The following KCNH6 variants were observed in gnomAD, a reference collection of about 807,000 sequenced individuals.
KCNH6 encodes the protein potassium voltage-gated channel subfamily H member 6.
KCNH6 carries 81 observed loss-of-function variants against 83.4 expected under a neutral mutation model. The ratio of observed to expected loss-of-function variants is 0.97; its 90% confidence interval spans 0.81 to 1.17. The LOEUF is 1.17. Ranked by LOEUF, KCNH6 falls within the 50% of genes most tolerant of loss-of-function variation. KCNH6 has a pLI of 0.00. For missense variants in KCNH6, 1,203 were observed against 1,290.5 expected (o/e 0.93, Z 1.04); for synonymous variants, 503 against 545.6 (o/e 0.92, Z 1.09).
At chr17:63,530,873 AGCCC>A (rs1249911379) in intron 4 of KCNH6, among the ~76,000 whole-genome samples, 4 of 152,214 alleles carry the variant, frequency 2.6e-5, no homozygotes, top group African/African-American at 7.2e-5. Context: ...ACCAAGGCTC[AGCCC>A]GTCACAGGGA....
At chr17:63,543,526 C>A in intron 9 of KCNH6, 50 bp from the exon 10 acceptor site, 1 of 1,143,642 alleles carries the variant, frequency 8.7e-7, no homozygotes. Context: ...AACAAAGAGG[C>A]CCCATCCCAG....
rs533067890 is a variant in KCNH6, at chr17:63,523,817, C to A, written c.77-322C>A. ...CGTCCTCCAGAGGCTTCTCTGAGTC[C>A]TTCTTTTCCTTCCTTTTCATATCCT... On this transcript the variant is annotated intron_variant, in intron 1 of 12. Coordinates refer to ENST00000314672, the MANE Select transcript of KCNH6 (RefSeq NM_001278919.2). This position sits in a 1 kb window ranked among gnomAD's most constrained non-coding sequence, Gnocchi z 4.2. Among the ~76,000 whole-genome samples, 1 of 152,132 alleles carries A rather than the reference C, an allele frequency of 6.6e-6. No individual in the cohort carries two copies. The highest frequency in any genetic ancestry group is 2.4e-5 in the African/African-American group (1 of 41,478).
rs760610985 is a variant in KCNH6 at position 63,545,750 on chromosome 17, C to T, written c.2725C>T (p.Leu909=). 2 of 1,614,038 alleles carry T rather than the reference C, an allele frequency of 1.2e-6. No individual in the cohort carries two copies. Among genetic ancestry groups the T allele is most frequent in the African/African-American group, 1.3e-5 (1 of 74,906 alleles). Residue 909 remains leucine (L), a synonymous_variant, in exon 13 of 13, where the codon CTA becomes TTA. Transcript: ENST00000314672. The part of the protein sequence containing the change: ...QEQPEGLWPP[L]ASPLHPLEVQ... ...ACAGCCTGAGGGGCTCTGGCCACCC[C>T]TAGCCTCACCTCTACATCCCCTGGA...
At chr17:63,525,928 T>C (rs530209868) in intron 2 of KCNH6, among the ~76,000 whole-genome samples, 1 of 152,164 alleles carries the variant, frequency 6.6e-6, no homozygotes, top group Non-Finnish European at 1.5e-5. Flanking sequence ...TTACAGCAGG[T>C]CCTTTCTTTT....
At chr17:63,544,525 A>C in intron 11 of KCNH6, 114 bp downstream of exon 11, 1 of 865,876 alleles carries the variant, frequency 1.2e-6, no homozygotes, top group Non-Finnish European at 1.7e-6. Flanking sequence ...ATTTAGCTGC[A>C]GGTCTCCCCA....
At chr17:63,541,552 C>CGGGTT (rs2032862122) in intron 8 of KCNH6, among the ~76,000 whole-genome samples, 1 of 151,228 alleles carries the variant, frequency 6.6e-6, no homozygotes, top group African/African-American at 2.5e-5. Context: ...CTCAGCCTCC[C>CGGGTT]AAAGTGCTGG....
chr17:63,530,619 C>A (rs770717719), intron 4 of KCNH6, 77 bp downstream of exon 4: 17 of 1,315,560 alleles, frequency 1.3e-5, no homozygotes, highest in Non-Finnish European at 1.8e-5. Context: ...GGCCCAGGCC[C>A]TTCTGGGGCC....
rs1411079899 is a variant in KCNH6 at position 63,523,950 on chromosome 17, C to G, written c.77-189C>G. Among the ~76,000 whole-genome samples, 1 of 151,994 alleles carries G rather than the reference C, an allele frequency of 6.6e-6. No homozygotes were observed. The highest frequency in any genetic ancestry group is 1.5e-5 in the Non-Finnish European group (1 of 68,004). The stretch of plus-strand genomic sequence containing the variant: ...TTCCAGGAGGCCTTGGGCCTTCCTT[C>G]CACCTCAAGACCCTCACTGCCCTAG... On this transcript the variant is annotated intron_variant, in intron 1 of 12. Transcript: ENST00000314672. The surrounding 1 kb of genome is among the most constrained non-coding windows in gnomAD (Gnocchi z 4.2).
In KCNH6 at chr17:63,539,322, G is replaced by A. The variant is rs532262017; in HGVS notation, c.1954+660G>A. 1.5e-4 allele frequency among the ~76,000 whole-genome samples: 23 copies of A among 152,070 alleles called. No individual in the cohort carries two copies. The East Asian group carries it at 3.9e-3, about 26-fold the overall frequency. The stretch of plus-strand genomic sequence containing the variant: ...CAGCCCCTCTGGACAGGTTCCCCTC[G>A]GGCAGCCCTCCCCCTCTGCTTCCTC... On this transcript the variant is annotated intron_variant, in intron 8 of 12. Transcript: ENST00000314672.
rs745492760 is a variant in KCNH6, at chr17:63,545,664, C to A, written c.2639C>A (p.Pro880His). 2 of 1,614,070 alleles carry A rather than the reference C, an allele frequency of 1.2e-6. No individual in the cohort carries two copies. Among genetic ancestry groups the A allele is most frequent in the South Asian group, 2.2e-5 (2 of 91,084 alleles). Residue 880 changes from proline (P) to histidine (H), a missense_variant, in exon 13 of 13, where the codon CCC becomes CAC. Transcript: ENST00000314672. ...DCSPKHRNSS[P>H]RMPHLAVATD... Reference sequence around the variant, plus strand: ...AGTCCAAAGCACAGGAACTCCTCCCCCAGGATGCCTCACCTGGCTGTGGCA... The same window carrying A: ...AGTCCAAAGCACAGGAACTCCTCCCACAGGATGCCTCACCTGGCTGTGGCA...
chr17:63,524,505 G>A (rs1206691468), intron 2 of KCNH6, 136 bp downstream of exon 2: 3 of 681,090 alleles, frequency 4.4e-6, no homozygotes, highest in East Asian at 2.7e-5. Context: ...AGGGGCCTTG[G>A]TTCCTCCACA....
chr17:63,544,796 T>G, intron 11 of KCNH6, among the ~76,000 whole-genome samples: 1 of 151,992 alleles, frequency 6.6e-6, no homozygotes, highest in Non-Finnish European at 1.5e-5. Context: ...GAACCTAGTT[T>G]GCCCTTTTGT....
At chr17:63,532,068 TG>T (rs1375153415) in intron 4 of KCNH6, among the ~76,000 whole-genome samples, 1 of 152,094 alleles carries the variant, frequency 6.6e-6, no homozygotes. Flanking sequence ...CTGGGCAGGG[TG>T]GGCTTTGCCA....
chr17:63,530,102 C>T lies in KCNH6; in HGVS notation c.319C>T (p.Arg107Cys), dbSNP rs760521267. 22 of 1,613,386 alleles carry T rather than the reference C, an allele frequency of 1.4e-5. No individual in the cohort carries two copies. The highest frequency in any genetic ancestry group is 3.3e-5 in the Admixed American group (2 of 60,032). The change falls in exon 3 of 13, where the codon CGC becomes TGC. Residue 107 changes from arginine (R) to cysteine (C), a missense_variant. Physicochemically the swap from Arg to Cys is radical, Grantham distance 180. Coordinates refer to ENST00000314672, the MANE Select transcript of KCNH6 (RefSeq NM_001278919.2). ...AATGGTGTTCGCAGCCTCCAGCTTC[C>T]GCTGCCTGGTAGATGTGGTGCCCGT... ...LYYRKDASSF[R>C]CLVDVVPVKN...
chr17:63,530,800 C>T (rs1309586358), intron 4 of KCNH6, among the ~76,000 whole-genome samples: 2 of 152,212 alleles, frequency 1.3e-5, no homozygotes, highest in African/African-American at 4.8e-5. Context: ...GTGAATGATG[C>T]CACCTCCTAG....
intron 4 of KCNH6, among the ~76,000 whole-genome samples, chr17:63,530,947 G>A (rs754705556): frequency 1.3e-5 from 2 of 152,152 alleles, no homozygotes; most frequent in African/African-American, 2.4e-5. Context: ...GTGTGGGGGG[G>A]GGTCCCAGCC....
intron 10 of KCNH6, chr17:63,543,958 G>T: frequency 9.9e-7 from 1 of 1,014,366 alleles, no homozygotes; most frequent in Non-Finnish European, 1.4e-6. Context: ...GGGGGCCACT[G>T]GGCTGCAGCT....
chr17:63,523,459 G>A lies in KCNH6; in HGVS notation c.46G>A (p.Asp16Asn), dbSNP rs780589070. The change falls in exon 1 of 13, where the codon GAC becomes AAC. Residue 16 changes from aspartate (D) to asparagine (N), a missense_variant. Asp to Asn is a conservative substitution (Grantham distance 23, BLOSUM62 1). Coordinates refer to ENST00000314672, the MANE Select transcript of KCNH6 (RefSeq NM_001278919.2). The surrounding 1 kb of genome is among the most constrained non-coding windows in gnomAD (Gnocchi z 4.2). Reference protein sequence around the residue: ...GHVAPQNTYLDTIIRKFEGQS... With the variant: ...GHVAPQNTYLNTIIRKFEGQS... ...CGTCGCTCCCCAAAACACTTACCTG[G>A]ACACCATCATCCGCAAGTTCGAGGG... 5.6e-6 allele frequency: 9 copies of A among 1,607,364 alleles called. No homozygotes were observed. Among genetic ancestry groups the A allele is most frequent in the Non-Finnish European group, 7.6e-6 (9 of 1,177,028 alleles).
chr17:63,542,570 C>T (rs1291586288), intron 9 of KCNH6, 136 bp downstream of exon 9: 1 of 733,678 alleles, frequency 1.4e-6, no homozygotes. Context: ...TTGTGCCTAC[C>T]ATGGCTGGCG....
Sources: allele counts gnomAD v4.1 joint callset (sites outside exome capture counted in the v4.1 genomes callset), GRCh38; gene constraint gnomAD v4.1.1; non-coding constraint Gnocchi (gnomAD v3.1); transcripts MANE v1.5; gene names NCBI Gene and HGNC (gene_info 2026-07-23, HGNC 2026-07-21).